LHFPL6: variants seen among roughly 807,000 people sequenced by gnomAD.
The protein encoded by LHFPL6 is LHFPL tetraspan subfamily member 6, also known as LHFPL tetraspan subfamily member 6 protein.
A neutral mutation model predicts 20.6 loss-of-function variants in LHFPL6; 9 were observed. The observed-to-expected ratio is 0.44, with a 90% CI of 0.26 to 0.76. The LOEUF is 0.76. Ranked by LOEUF, LHFPL6 falls within the 30% of genes least tolerant of loss-of-function variation. LHFPL6 has a pLI of 0.20. For synonymous variants in LHFPL6, 105 were observed against 98.7 expected (o/e 1.06, Z -0.38); for missense variants, 218 against 253.5 (o/e 0.86, Z 0.95).
intron 2 of LHFPL6, among the ~76,000 whole-genome samples, chr13:39,580,507 CAA>C (rs1310507867): frequency 2.0e-5 from 3 of 152,072 alleles, no homozygotes; most frequent in Non-Finnish European, 2.9e-5. Context: ...AAAATAGAAC[CAA>C]AGTCCTTTCT....
At chr13:39,582,687 G>A (rs536116681) in intron 2 of LHFPL6, among the ~76,000 whole-genome samples, 111 of 152,274 alleles carry the variant, frequency 7.3e-4, no homozygotes, top group African/African-American at 2.6e-3. Context: ...ACAGACAGAC[G>A]ATGACCTTGT....
chr13:39,457,675 G>A (rs1222175838), intron 2 of LHFPL6, among the ~76,000 whole-genome samples: 1 of 152,220 alleles, frequency 6.6e-6, no homozygotes. Flanking sequence ...GTGGTAAAGG[G>A]AGAAGGTGAC....
chr13:39,410,108 C>T (rs971234558), intron 2 of LHFPL6, among the ~76,000 whole-genome samples: 3 of 152,144 alleles, frequency 2.0e-5, no homozygotes, highest in African/African-American at 4.8e-5. Flanking sequence ...AAATTGTCTA[C>T]CTACCTTCAT....
chr13:39,497,427 C>T (rs564792786), intron 2 of LHFPL6, among the ~76,000 whole-genome samples: 3 of 152,240 alleles, frequency 2.0e-5, no homozygotes, highest in African/African-American at 4.8e-5. Flanking sequence ...TAGGGACTAC[C>T]GAATTCCCAG....
intron 2 of LHFPL6, among the ~76,000 whole-genome samples, chr13:39,421,463 TA>T (rs1255709656): frequency 1.3e-5 from 2 of 152,002 alleles, no homozygotes; most frequent in East Asian, 3.8e-4. Context: ...ATAAAAAAAT[TA>T]AAAAAAATTC....
At chr13:39,438,746 C>T (rs1383930988) in intron 2 of LHFPL6, among the ~76,000 whole-genome samples, 47 of 152,210 alleles carry the variant, frequency 3.1e-4, no homozygotes, top group Non-Finnish European at 2.2e-4. Context: ...AAGCTTAGGC[C>T]ACAGTTTTTG....
rs556828978 is a variant in LHFPL6 at position 39,587,279 on chromosome 13, A to G, written c.385+13553T>C. On this transcript the variant is annotated intron_variant, in intron 2 of 3. Transcript: ENST00000379589. ...TCACCTCATACCTTGTAGTAAATCT[A>G]TTACCATTCCCTGAACTCCCATCAG... Among the ~76,000 whole-genome samples the G allele has an allele frequency of 4.3e-4, 65 of 152,164 alleles. 2 individuals carry two copies. In the South Asian group the frequency reaches 0.013, roughly 32 times the overall value.
At chr13:39,536,268 T>C (rs1018373677) in intron 2 of LHFPL6, among the ~76,000 whole-genome samples, 7 of 152,120 alleles carry the variant, frequency 4.6e-5, no homozygotes, top group African/African-American at 1.7e-4. Context: ...GCTATGAAGG[T>C]AGGGGAAAAA....
chr13:39,524,605 C>T (rs1427733562), intron 2 of LHFPL6, among the ~76,000 whole-genome samples: 2 of 152,072 alleles, frequency 1.3e-5, no homozygotes, highest in East Asian at 1.9e-4. Flanking sequence ...AAGAGGTATC[C>T]GGTCATTTAT....
intron 2 of LHFPL6, among the ~76,000 whole-genome samples, chr13:39,543,554 T>C (rs9566456): frequency 0.089 from 13,556 of 152,190 alleles, 791 homozygotes; most frequent in East Asian, 0.29. Context: ...TTCGTCATAG[T>C]CCTTACTTTT....
intron 2 of LHFPL6, among the ~76,000 whole-genome samples, chr13:39,595,049 A>G (rs1194255512): frequency 6.6e-6 from 1 of 152,184 alleles, no homozygotes; most frequent in African/African-American, 2.4e-5. Context: ...GCACACCAAC[A>G]TGGCACATGT....
At chr13:39,496,288 A>G (rs1355694680) in intron 2 of LHFPL6, among the ~76,000 whole-genome samples, 1 of 152,128 alleles carries the variant, frequency 6.6e-6, no homozygotes. Context: ...GGGGTAAGGT[A>G]GCTCTTGGAG....
chr13:39,466,850 G>A (rs775312224), intron 2 of LHFPL6, among the ~76,000 whole-genome samples: 3 of 152,060 alleles, frequency 2.0e-5, no homozygotes, highest in Non-Finnish European at 4.4e-5. Context: ...TCTGATGTAG[G>A]TTTTTCTAAG....
intron 2 of LHFPL6, among the ~76,000 whole-genome samples, chr13:39,406,354 T>A (rs1177544967): frequency 1.3e-5 from 2 of 152,304 alleles, no homozygotes; most frequent in East Asian, 3.9e-4. Context: ...TATTTTAAAA[T>A]TCTCTTTTGA....
At chr13:39,352,659 C>T (rs752835081) in intron 3 of LHFPL6, among the ~76,000 whole-genome samples, 3 of 151,670 alleles carry the variant, frequency 2.0e-5, no homozygotes, top group Non-Finnish European at 4.4e-5. Flanking sequence ...TTCATTTATC[C>T]AGGCAGAATA....
At chr13:39,481,692 C>G (rs543583221) in intron 2 of LHFPL6, among the ~76,000 whole-genome samples, 1 of 152,088 alleles carries the variant, frequency 6.6e-6, no homozygotes, top group Non-Finnish European at 1.5e-5. Flanking sequence ...AGGAAGGGGG[C>G]GGGAGACTGA....
At chr13:39,417,561 C>T (rs1414137569) in intron 2 of LHFPL6, among the ~76,000 whole-genome samples, 3 of 152,196 alleles carry the variant, frequency 2.0e-5, no homozygotes, top group African/African-American at 7.2e-5. Flanking sequence ...ACCAATTTTC[C>T]TTAAGCAAAA....
intron 2 of LHFPL6, among the ~76,000 whole-genome samples, chr13:39,470,905 C>T (rs1021662121): frequency 3.9e-5 from 6 of 152,216 alleles, no homozygotes; most frequent in Admixed American, 2.6e-4. Flanking sequence ...CTCCTTCTCC[C>T]TCTCTCCACT....
intron 2 of LHFPL6, among the ~76,000 whole-genome samples, chr13:39,522,509 A>G (rs1870142157): frequency 6.6e-6 from 1 of 152,170 alleles, no homozygotes; most frequent in Non-Finnish European, 1.5e-5. Context: ...TGTTCCACAC[A>G]CACAGCCTGC....
Sources: allele counts gnomAD v4.1 joint callset (sites outside exome capture counted in the v4.1 genomes callset), GRCh38; gene constraint gnomAD v4.1.1; transcripts MANE v1.5; gene names NCBI Gene and HGNC (gene_info 2026-07-23, HGNC 2026-07-21).